The following MAPK10 variants were observed in gnomAD, a reference collection of about 807,000 sequenced individuals.
MAPK10 encodes JNK3 alpha protein kinase.
MAPK10 carries 25 observed loss-of-function variants against 59.3 expected under a neutral mutation model. That is an observed-to-expected ratio of 0.42 (90% CI 0.31 to 0.59). The LOEUF (loss-of-function observed/expected upper bound fraction) is 0.59, where lower values mean the gene tolerates loss of function less well. Ranked by LOEUF, MAPK10 falls within the 20% of genes least tolerant of loss-of-function variation. The pLI, the probability that MAPK10 is intolerant of heterozygous loss-of-function variation, is 0.15. For missense variants in MAPK10, 351 were observed against 568.9 expected (o/e 0.62, Z 3.90); for synonymous variants, 190 against 200.5 (o/e 0.95, Z 0.44).
At chr4:86,345,273 G>A (rs114360681) in intron 2 of MAPK10, among the ~76,000 whole-genome samples, 3 of 152,050 alleles carry the variant, frequency 2.0e-5, no homozygotes, top group South Asian at 4.1e-4. Flanking sequence ...GGATGAGACC[G>A]CTTAGGTATC....
chr4:86,296,717 G>C (rs903421860), intron 2 of MAPK10, among the ~76,000 whole-genome samples: 2 of 152,060 alleles, frequency 1.3e-5, no homozygotes, highest in African/African-American at 4.8e-5. Flanking sequence ...GAAAAGCATA[G>C]TAAAATTCTC....
At chr4:86,214,529 A>C (rs551930352) in intron 2 of MAPK10, among the ~76,000 whole-genome samples, 13 of 151,324 alleles carry the variant, frequency 8.6e-5, no homozygotes, top group Admixed American at 7.2e-4. Context: ...AAAAAAAAAA[A>C]AAAAAACTGT....
At position 86,101,567 on chromosome 4, in the gene MAPK10, G is replaced by C. The variant is rs1016987682; in HGVS notation, c.564+327C>G. On this transcript the variant is annotated intron_variant, in intron 7 of 13. Transcript: ENST00000641462. ...AGGCCTGACAGAAGAACAGATCAGG[G>C]AAGCTGTCTTTATGCTGCCAGAAAC... 2 of 392,388 alleles carry C rather than the reference G, an allele frequency of 5.1e-6. 1 individual carries two copies. Among genetic ancestry groups the C allele is most frequent in the South Asian group, 7.7e-5 (2 of 25,918 alleles). 24.3% of individuals were successfully genotyped at this position (392,388 alleles called of 1,614,324 possible). A position where few individuals can be genotyped will look rare whatever the true frequency, so the allele number is the denominator to read the frequency against.
At chr4:86,399,836 CAGTT>C (rs1743454454) in intron 1 of MAPK10, 1 of 152,184 alleles carries the variant, frequency 6.6e-6, no homozygotes, top group Non-Finnish European at 1.5e-5. Flanking sequence ...GAGGAGGAAA[CAGTT>C]AGTAATTCTG....
intron 3 of MAPK10, among the ~76,000 whole-genome samples, chr4:86,184,864 G>A (rs188019399): frequency 1.1e-4 from 16 of 152,230 alleles, no homozygotes; most frequent in African/African-American, 3.9e-4. Flanking sequence ...CCAGCCTCAA[G>A]TATTTCTTTA....
At chr4:86,395,702 C>CAG (rs1380657589) in intron 1 of MAPK10, among the ~76,000 whole-genome samples, 1 of 152,154 alleles carries the variant, frequency 6.6e-6, no homozygotes, top group African/African-American at 2.4e-5. Context: ...CTAGAAGCTG[C>CAG]AGAGCCCAAG....
chr4:86,241,956 A>G (rs1383366448), intron 2 of MAPK10, among the ~76,000 whole-genome samples: 2 of 151,936 alleles, frequency 1.3e-5, no homozygotes, highest in African/African-American at 4.8e-5. Flanking sequence ...ATTCTTTCTC[A>G]TCCTCGTGAG....
At chr4:86,202,541 T>G (rs1046299119) in intron 2 of MAPK10, among the ~76,000 whole-genome samples, 1 of 151,956 alleles carries the variant, frequency 6.6e-6, no homozygotes, top group Non-Finnish European at 1.5e-5. Flanking sequence ...ATTTTTAAAT[T>G]ATCTCCTCAT....
At chr4:86,215,348 G>A (rs2087180787) in intron 2 of MAPK10, among the ~76,000 whole-genome samples, 1 of 152,156 alleles carries the variant, frequency 6.6e-6, no homozygotes, top group South Asian at 2.1e-4. Flanking sequence ...ATATTGGATT[G>A]TCAATGATTT....
intron 2 of MAPK10, among the ~76,000 whole-genome samples, chr4:86,338,484 C>A (rs1358365122): frequency 6.6e-6 from 1 of 152,184 alleles, no homozygotes; most frequent in Non-Finnish European, 1.5e-5. Flanking sequence ...TCTCAACTGG[C>A]TCCATCTCAG....
chr4:86,523,866 C>G (rs1365338071), intron 1 of MAPK10, among the ~76,000 whole-genome samples: 1 of 152,184 alleles, frequency 6.6e-6, no homozygotes, highest in East Asian at 1.9e-4. Flanking sequence ...TCTATCTACG[C>G]TTGGCTTAGA....
intron 1 of MAPK10, among the ~76,000 whole-genome samples, chr4:86,436,589 A>G (rs1433739486): frequency 1.3e-5 from 2 of 152,142 alleles, no homozygotes; most frequent in South Asian, 4.1e-4. Context: ...AATAAAATTT[A>G]CTTTTATATA....
intron 8 of MAPK10, chr4:86,100,756 TA>T: frequency 4.6e-6 from 1 of 219,496 alleles, no homozygotes; most frequent in Non-Finnish European, 9.1e-6. Flanking sequence ...TTTTTCTCAA[TA>T]TCTAGGCACG....
At chr4:86,171,630 G>GA (rs1485532383) in intron 3 of MAPK10, among the ~76,000 whole-genome samples, 1 of 152,182 alleles carries the variant, frequency 6.6e-6, no homozygotes, top group Non-Finnish European at 1.5e-5. Context: ...AACCCTAGGA[G>GA]AAAACCTAGG....
intron 12 of MAPK10, among the ~76,000 whole-genome samples, chr4:86,030,009 T>C (rs2038613644): frequency 6.6e-6 from 1 of 152,208 alleles, no homozygotes; most frequent in Admixed American, 6.5e-5. Context: ...CTACTCATTC[T>C]TGCTTTGCAA....
At chr4:86,052,164 A>G (rs2043677045) in intron 11 of MAPK10, among the ~76,000 whole-genome samples, 1 of 152,152 alleles carries the variant, frequency 6.6e-6, no homozygotes. Context: ...TGCCTCCACC[A>G]CTTTCCTTAA....
chr4:86,160,070 T>C (rs2069076995), intron 3 of MAPK10, among the ~76,000 whole-genome samples: 1 of 152,082 alleles, frequency 6.6e-6, no homozygotes, highest in African/African-American at 2.4e-5. Flanking sequence ...TTTGAATTAA[T>C]ATTATTCTAA....
chr4:86,064,130 G>C, intron 11 of MAPK10, 136 bp downstream of exon 11: 2 of 988,926 alleles, frequency 2.0e-6, no homozygotes, highest in Non-Finnish European at 3.0e-6. Context: ...GCTTTTAGAG[G>C]GGCAGATAAT....
chr4:86,038,857 A>T (rs1227538526), intron 11 of MAPK10, among the ~76,000 whole-genome samples: 1 of 152,172 alleles, frequency 6.6e-6, no homozygotes, highest in African/African-American at 2.4e-5. Flanking sequence ...AAAAGAATTG[A>T]TTAGATATAA....
Sources: allele counts gnomAD v4.1 joint callset (sites outside exome capture counted in the v4.1 genomes callset), GRCh38; gene constraint gnomAD v4.1.1; transcripts MANE v1.5; gene names NCBI Gene and HGNC (gene_info 2026-07-23, HGNC 2026-07-21).